Variants in PACRG observed in about 807,000 individuals in gnomAD.
The protein encoded by PACRG is parkin coregulated, also known as parkin coregulated gene protein.
PACRG carries 29 observed loss-of-function variants against 29.7 expected under a neutral mutation model. The ratio of observed to expected loss-of-function variants is 0.98; its 90% CI spans 0.73 to 1.33. The LOEUF is 1.33. PACRG is among the 40% of genes most tolerant of loss of function. PACRG has a pLI of 0.00. For missense variants in PACRG, 279 were observed against 316.2 expected (o/e 0.88, Z 0.89); for synonymous variants, 116 against 118.7 (o/e 0.98, Z 0.15).
intron 3 of PACRG, among the ~76,000 whole-genome samples, chr6:163,078,012 G>A (rs1384997889): frequency 2.6e-5 from 4 of 152,148 alleles, no homozygotes; most frequent in East Asian, 1.9e-4. Context: ...AGCCGAATCC[G>A]CCGTGCATTA....
chr6:162,747,927 A>G (rs1387520718), intron 1 of PACRG, among the ~76,000 whole-genome samples: 1 of 152,170 alleles, frequency 6.6e-6, no homozygotes, highest in African/African-American at 2.4e-5. Flanking sequence ...TCTGGAAAGA[A>G]GGGAGAACAT....
intron 2 of PACRG, among the ~76,000 whole-genome samples, chr6:162,915,288 CA>C (rs1300043961): frequency 6.7e-5 from 10 of 149,794 alleles, no homozygotes; most frequent in South Asian, 2.1e-4. Flanking sequence ...TTTTTTAGAC[CA>C]GGGGTAGGCA....
chr6:163,014,583 T>C (rs1805914252), intron 2 of PACRG, among the ~76,000 whole-genome samples: 1 of 152,166 alleles, frequency 6.6e-6, no homozygotes, highest in East Asian at 1.9e-4. Context: ...CTCGTGGTTT[T>C]GATTTGCATT....
intron 4 of PACRG, chr6:163,182,562 T>C (rs1253640550): frequency 6.6e-6 from 1 of 152,232 alleles, no homozygotes; most frequent in African/African-American, 2.4e-5. Context: ...AGTACGGGTC[T>C]CTTTTACATT....
chr6:163,071,862 A>G (rs1812088258), intron 3 of PACRG, among the ~76,000 whole-genome samples: 1 of 151,740 alleles, frequency 6.6e-6, no homozygotes, highest in South Asian at 2.1e-4. Context: ...ACACATAAAA[A>G]CCTACCTAGG....
intron 1 of PACRG, among the ~76,000 whole-genome samples, chr6:162,792,013 AATG>A (rs1455826620): frequency 8.5e-5 from 13 of 152,140 alleles, no homozygotes; most frequent in Admixed American, 2.0e-4. Flanking sequence ...ATTAGCTGTG[AATG>A]AGGCTGGAGA....
Position 163,178,013 on chromosome 6 carries a change from C to T in PACRG, c.613+88605C>T, listed in dbSNP as rs1367226358. ...CTCAAACCTGGTCATTGGCTGGGGA[C>T]TCAAGACAGAACAAGGAGTGTTCCC... is the stretch of plus-strand genomic sequence containing the variant. On this transcript the variant is annotated intron_variant, in intron 4 of 4. Transcript: ENST00000366888. 3.3e-5 allele frequency among the ~76,000 whole-genome samples: 5 copies of T among 152,174 alleles called. No homozygotes were observed. The East Asian group carries it at 9.7e-4, about 30-fold the overall frequency.
intron 2 of PACRG, among the ~76,000 whole-genome samples, chr6:162,951,353 C>T (rs1376830103): frequency 6.6e-6 from 1 of 152,196 alleles, no homozygotes; most frequent in Non-Finnish European, 1.5e-5. Context: ...TATAGCTGAG[C>T]CCTGATTGGT....
chr6:162,958,874 TATATATATATAG>T (rs1323059181), intron 2 of PACRG, among the ~76,000 whole-genome samples: 23 of 44,830 alleles, frequency 5.1e-4, no homozygotes, highest in Admixed American at 1.2e-3. Flanking sequence ...TATATATATA[TATATATATATAG>T]AGAGAGAGAG....
intron 4 of PACRG, among the ~76,000 whole-genome samples, chr6:163,240,979 T>A (rs190894390): frequency 6.6e-6 from 1 of 152,294 alleles, no homozygotes; most frequent in Admixed American, 6.5e-5. Flanking sequence ...CTCCCCAAAA[T>A]CGGACTTTTC....
chr6:162,732,119 C>T (rs1779815298), intron 1 of PACRG, among the ~76,000 whole-genome samples: 1 of 152,210 alleles, frequency 6.6e-6, no homozygotes, highest in Non-Finnish European at 1.5e-5. Context: ...ATCCAACTGG[C>T]CAGAACCTAG....
chr6:162,985,378 G>A (rs904592241), intron 2 of PACRG, among the ~76,000 whole-genome samples: 16 of 152,078 alleles, frequency 1.1e-4, no homozygotes, highest in Middle Eastern at 3.4e-3. Context: ...GGTTCCATAT[G>A]AGGGATGCAG....
intron 2 of PACRG, among the ~76,000 whole-genome samples, chr6:162,881,964 G>GGT (rs1554297470): frequency 7.6e-6 from 1 of 131,462 alleles, no homozygotes; most frequent in East Asian, 2.6e-4. Flanking sequence ...AGATGGGTGG[G>GGT]GGGGGGCACT....
At chr6:163,234,415 C>T (rs1562330368) in intron 4 of PACRG, among the ~76,000 whole-genome samples, 2 of 152,152 alleles carry the variant, frequency 1.3e-5, no homozygotes, top group Non-Finnish European at 2.9e-5. Flanking sequence ...CATGTGATCT[C>T]TGCACACACC....
At chr6:162,730,063 C>CTCTCT (rs1554267985) in intron 1 of PACRG, among the ~76,000 whole-genome samples, 35,588 of 145,654 alleles carry the variant, frequency 0.24, 5,123 homozygotes, top group African/African-American at 0.39. Context: ...AACTGTCTCT[C>CTCTCT]TTTTTTTTTT....
At chr6:162,891,752 G>A (rs1794776096) in intron 2 of PACRG, among the ~76,000 whole-genome samples, 2 of 152,048 alleles carry the variant, frequency 1.3e-5, no homozygotes, top group South Asian at 4.1e-4. Context: ...ATCATGCATG[G>A]AACCATGTGG....
chr6:162,995,383 A>T (rs1392977027), intron 2 of PACRG, among the ~76,000 whole-genome samples: 1 of 151,772 alleles, frequency 6.6e-6, no homozygotes, highest in Non-Finnish European at 1.5e-5. Flanking sequence ...CTGTGCTAGC[A>T]ATCAGCGAGA....
At chr6:162,857,103 T>C (rs2128435879) in intron 2 of PACRG, among the ~76,000 whole-genome samples, 1 of 152,082 alleles carries the variant, frequency 6.6e-6, no homozygotes, top group East Asian at 1.9e-4. Flanking sequence ...GCGGGGTGGG[T>C]AAAGAGGGGA....
At chr6:163,291,629 A>G (rs1784614064) in intron 4 of PACRG, among the ~76,000 whole-genome samples, 1 of 152,262 alleles carries the variant, frequency 6.6e-6, no homozygotes, top group Admixed American at 6.5e-5. Context: ...ATTCTTGTAA[A>G]TGAGATATTT....
Sources: gnomAD v4.1 joint callset for allele counts (sites outside exome capture counted in the v4.1 genomes callset) on GRCh38, gnomAD v4.1.1 for gene constraint, MANE v1.5 for transcripts, NCBI Gene and HGNC (gene_info 2026-07-23, HGNC 2026-07-21) for gene names.